The following CACNA2D4 variants were observed in gnomAD, a reference collection of about 807,000 sequenced individuals.
CACNA2D4 encodes calcium voltage-gated channel auxiliary subunit alpha2delta 4.
In CACNA2D4, 157 loss-of-function variants were observed where a neutral mutation model predicts 163.8. The observed-to-expected ratio is 0.96, with a 90% CI of 0.84 to 1.09. CACNA2D4 has a LOEUF of 1.09. Among genes scored for constraint, CACNA2D4 ranks in the 50% least tolerant of loss-of-function variants. The pLI, the probability that CACNA2D4 is intolerant of heterozygous loss-of-function variation, is 0.00. For synonymous variants in CACNA2D4, 598 were observed against 586.9 expected, an observed-to-expected ratio of 1.02 and a Z score of -0.27; for missense variants, 1,410 against 1,479.9, an observed-to-expected ratio of 0.95 and a Z score of 0.78.
chr12:1,809,451 A>C, intron 29 of CACNA2D4: 1 of 681,696 alleles, frequency 1.5e-6, no homozygotes, highest in Non-Finnish European at 2.6e-6. Flanking sequence ...CCTTTCCCCG[A>C]GGCTCAGGCA....
chr12:1,800,219 C>T, intron 32 of CACNA2D4, 167 bp from the exon 33 acceptor site: 1 of 938,450 alleles, frequency 1.1e-6, no homozygotes. Context: ...CCAGGGGCAG[C>T]ATGCAGGGAA....
intron 29 of CACNA2D4, among the ~76,000 whole-genome samples, chr12:1,807,587 C>T (rs141921273): frequency 1.2e-3 from 175 of 152,140 alleles, no homozygotes; most frequent in African/African-American, 2.7e-3. Flanking sequence ...GACTCTCCGC[C>T]GCCCTGTCTT....
intron 13 of CACNA2D4, among the ~76,000 whole-genome samples, chr12:1,881,260 C>T (rs145801895): frequency 5.3e-5 from 8 of 152,286 alleles, no homozygotes; most frequent in Non-Finnish European, 8.8e-5. Context: ...GGTAAGAGAG[C>T]GTCAGAAGGT....
intron 18 of CACNA2D4, among the ~76,000 whole-genome samples, chr12:1,873,103 T>A (rs867159709): frequency 3.9e-5 from 6 of 152,190 alleles, no homozygotes; most frequent in South Asian, 4.1e-4. Context: ...CCTCAGGTTG[T>A]GAGTGTTCAA....
In CACNA2D4 at chr12:1,810,484, A is replaced by T. The variant is rs1863670028; in HGVS notation, c.2658+59T>A. ...GGGAGAGGGAAGCTGGCCTGCCAGG[A>T]GGACCGGGCGGAGGGCCATGGCTCC... On this transcript the variant is annotated intron_variant, in intron 28 of 37. Transcript: ENST00000382722. 7.8e-6 allele frequency: 12 copies of T among 1,534,906 alleles called. No homozygotes were observed. The East Asian group carries it at 2.9e-4, about 37-fold the overall frequency.
At chr12:1,797,700 G>A in intron 34 of CACNA2D4, 165 bp from the exon 35 acceptor site, 2 of 653,728 alleles carry the variant, frequency 3.1e-6, no homozygotes, top group South Asian at 1.6e-5. Flanking sequence ...GGGGTGAGGG[G>A]AGGGAAGACA....
chr12:1,888,232 G>T (rs1326028727), intron 6 of CACNA2D4, among the ~76,000 whole-genome samples: 1 of 152,204 alleles, frequency 6.6e-6, no homozygotes, highest in African/African-American at 2.4e-5. Context: ...AGGAGGAGAA[G>T]CTGAGTCTGA....
intron 35 of CACNA2D4, among the ~76,000 whole-genome samples, chr12:1,796,153 A>G (rs1355073551): frequency 6.6e-6 from 1 of 152,194 alleles, no homozygotes; most frequent in Non-Finnish European, 1.5e-5. Flanking sequence ...TGGCGGGGGC[A>G]GGCCCGGGCG....
chr12:1,826,817 G>T (rs11611941), intron 26 of CACNA2D4, among the ~76,000 whole-genome samples: 1 of 152,170 alleles, frequency 6.6e-6, no homozygotes, highest in Non-Finnish European at 1.5e-5. Flanking sequence ...GGGGCAACAG[G>T]GTTTGCAGCA....
intron 18 of CACNA2D4, among the ~76,000 whole-genome samples, chr12:1,863,651 T>C (rs1865572953): frequency 6.6e-6 from 1 of 152,234 alleles, no homozygotes; most frequent in African/African-American, 2.4e-5. Flanking sequence ...GTTAAATTTA[T>C]TCCTAAGTAT....
intron 26 of CACNA2D4, among the ~76,000 whole-genome samples, chr12:1,812,150 C>T (rs944843380): frequency 2.0e-5 from 3 of 152,202 alleles, no homozygotes; most frequent in Non-Finnish European, 4.4e-5. Context: ...AATTCAGGGC[C>T]GTTGCCCTAG....
At chr12:1,865,209 CTGCTG>C (rs1383872789) in intron 18 of CACNA2D4, among the ~76,000 whole-genome samples, 1 of 152,236 alleles carries the variant, frequency 6.6e-6, no homozygotes, top group African/African-American at 2.4e-5. Context: ...CTTGCTGAAG[CTGCTG>C]TTGGAAATCT....
At chr12:1,916,292 A>G (rs1866977320) in intron 1 of CACNA2D4, among the ~76,000 whole-genome samples, 1 of 152,178 alleles carries the variant, frequency 6.6e-6, no homozygotes, top group Admixed American at 6.5e-5. Context: ...GCTACCAAGT[A>G]CCATTGGGAA....
chr12:1,846,878 T>C (rs1374980916), intron 23 of CACNA2D4, among the ~76,000 whole-genome samples, 189 bp from the exon 24 acceptor site: 1 of 152,178 alleles, frequency 6.6e-6, no homozygotes, highest in Non-Finnish European at 1.5e-5. Context: ...GCCCATCAGG[T>C]TTCAGGCCCG....
intron 18 of CACNA2D4, among the ~76,000 whole-genome samples, chr12:1,870,056 T>C (rs1865737062): frequency 6.6e-6 from 1 of 152,166 alleles, no homozygotes; most frequent in Non-Finnish European, 1.5e-5. Context: ...CTCAGCTTTG[T>C]CTTTAGGCCT....
chr12:1,916,641 C>T (rs908155602), intron 1 of CACNA2D4, among the ~76,000 whole-genome samples: 5 of 152,130 alleles, frequency 3.3e-5, no homozygotes, highest in Admixed American at 2.6e-4. Context: ...GAGCGCAGTG[C>T]CACGGAAGTC....
intron 23 of CACNA2D4, 111 bp from the exon 24 acceptor site, chr12:1,846,800 G>A: frequency 2.3e-6 from 2 of 874,184 alleles, no homozygotes. Context: ...CTGGCTCAGG[G>A]AAGACTTTCC....
Position 1,806,438 on chromosome 12 carries a change from G to A in CACNA2D4, c.2721+3840C>T, listed in dbSNP as rs1055598794. Among the ~76,000 whole-genome samples the A allele has an allele frequency of 3.3e-5, 5 of 152,236 alleles. No individual in the cohort carries two copies. Among genetic ancestry groups the A allele is most frequent in the African/African-American group, 1.2e-4 (5 of 41,458 alleles). Reference sequence around the variant, plus strand: ...AAGCAGCCACTCCCTGGGGCTGGCTGCAGATGAGGCCCTTGTGGTTTCCCC... The same window carrying A: ...AAGCAGCCACTCCCTGGGGCTGGCTACAGATGAGGCCCTTGTGGTTTCCCC... On this transcript the variant is annotated intron_variant, in intron 29 of 37. Coordinates refer to ENST00000382722, the MANE Select transcript of CACNA2D4 (RefSeq NM_172364.5). This position sits in a 1 kb window ranked among gnomAD's most constrained non-coding sequence, Gnocchi z 4.1.
intron 36 of CACNA2D4, 87 bp from the exon 37 acceptor site, chr12:1,795,468 G>T: frequency 1.6e-6 from 2 of 1,270,008 alleles, no homozygotes; most frequent in Non-Finnish European, 2.2e-6. Flanking sequence ...CTGCTCTGGT[G>T]CCACCAGTTG....
Sources: allele counts gnomAD v4.1 joint callset (sites outside exome capture counted in the v4.1 genomes callset), GRCh38; gene constraint gnomAD v4.1.1; non-coding constraint Gnocchi (gnomAD v3.1); transcripts MANE v1.5; gene names NCBI Gene and HGNC (gene_info 2026-07-23, HGNC 2026-07-21).